ELF5: variants seen among roughly 807,000 people sequenced by gnomAD.
The protein encoded by ELF5 is E74 like ETS transcription factor 5, also known as ETS-related transcription factor Elf-5.
ELF5 carries 31 observed loss-of-function variants against 38.2 expected under a neutral mutation model. That is an observed-to-expected ratio of 0.81 (90% CI 0.61 to 1.10). The LOEUF (loss-of-function observed/expected upper bound fraction) is 1.10, where lower values mean the gene tolerates loss of function less well. Among genes scored for constraint, ELF5 ranks in the 50% least tolerant of loss-of-function variants. ELF5 has a pLI of 0.00. For missense variants in ELF5, 300 were observed against 306.6 expected, an observed-to-expected ratio of 0.98 and a Z score of 0.16; for synonymous variants, 121 against 112.5, an observed-to-expected ratio of 1.08 and a Z score of -0.48.
chr11:34,484,482 A>ACTATCCTATACTATACTATACTATC (rs769315692), intron 4 of ELF5, among the ~76,000 whole-genome samples: 1 of 21,200 alleles, frequency 4.7e-5, no homozygotes, highest in African/African-American at 1.0e-4. Flanking sequence ...CACTATACTA[A>ACTATCCTATACTATACTATACTATC]CTATACTATA....
chr11:34,512,891 T>C (rs372793824), intron 1 of ELF5, among the ~76,000 whole-genome samples: 4 of 152,300 alleles, frequency 2.6e-5, no homozygotes, highest in African/African-American at 9.6e-5. Flanking sequence ...CCCTAAGTCA[T>C]CTAGCCTTTC....
intron 4 of ELF5, among the ~76,000 whole-genome samples, chr11:34,486,129 C>T (rs964907097): frequency 6.6e-6 from 1 of 152,084 alleles, no homozygotes; most frequent in African/African-American, 2.4e-5. Flanking sequence ...TGCAGGGTTT[C>T]CGAAACAAGT....
intron 6 of ELF5, 124 bp downstream of exon 6, chr11:34,480,648 A>C: frequency 9.1e-7 from 1 of 1,104,352 alleles, no homozygotes; most frequent in East Asian, 2.5e-5. Flanking sequence ...TAAGAACCAA[A>C]GTTTTGTCTC....
intron 4 of ELF5, among the ~76,000 whole-genome samples, chr11:34,484,340 CATACTGTACT>C (rs1248484237): frequency 6.6e-6 from 1 of 151,460 alleles, no homozygotes; most frequent in Non-Finnish European, 1.5e-5. Flanking sequence ...TTCTACTGTA[CATACTGTACT>C]ATATGAACTA....
chr11:34,488,827 G>A (rs1398724523), intron 4 of ELF5, among the ~76,000 whole-genome samples: 1 of 152,236 alleles, frequency 6.6e-6, no homozygotes, highest in Non-Finnish European at 1.5e-5. Context: ...TGTGGCTCAA[G>A]CCTTTGGCCA....
At chr11:34,484,848 G>A (rs1301136907) in intron 4 of ELF5, among the ~76,000 whole-genome samples, 1 of 152,038 alleles carries the variant, frequency 6.6e-6, no homozygotes, top group African/African-American at 2.4e-5. Flanking sequence ...TTCTGCCTCA[G>A]GACCTTTGCA....
intron 2 of ELF5, among the ~76,000 whole-genome samples, chr11:34,498,816 G>A (rs1365780099): frequency 6.6e-6 from 1 of 152,094 alleles, no homozygotes; most frequent in Non-Finnish European, 1.5e-5. Context: ...TCCAGGTCGG[G>A]TGCAGTGGCT....
chr11:34,506,081 G>T (rs761286280), intron 1 of ELF5, among the ~76,000 whole-genome samples: 2 of 152,134 alleles, frequency 1.3e-5, no homozygotes, highest in Non-Finnish European at 2.9e-5. Context: ...TTTCCTGTTT[G>T]CTCACATCTG....
intron 3 of ELF5, among the ~76,000 whole-genome samples, chr11:34,490,503 C>A (rs1461926734): frequency 6.6e-6 from 1 of 152,210 alleles, no homozygotes; most frequent in African/African-American, 2.4e-5. Flanking sequence ...TAGTCTCTGA[C>A]ATGGCCTCTA....
intron 2 of ELF5, among the ~76,000 whole-genome samples, chr11:34,498,131 G>A (rs576949248): frequency 6.6e-6 from 1 of 152,218 alleles, no homozygotes; most frequent in East Asian, 1.9e-4. Context: ...ACACTTAGTG[G>A]TCCTGCCTCC....
chr11:34,493,779 G>C (rs1303908195), intron 2 of ELF5, 67 bp from the exon 3 acceptor site: 1 of 1,393,862 alleles, frequency 7.2e-7, no homozygotes, highest in Non-Finnish European at 1.0e-6. Flanking sequence ...GCCCCTGAAG[G>C]ATGCATCAGT....
At chr11:34,486,904 G>T (rs890332815) in intron 4 of ELF5, among the ~76,000 whole-genome samples, 2 of 152,190 alleles carry the variant, frequency 1.3e-5, no homozygotes, top group African/African-American at 4.8e-5. Context: ...GCCAGGTCTT[G>T]GTCTTTGGAT....
intron 3 of ELF5, chr11:34,492,283 A>C (rs1356945847): frequency 1.3e-5 from 2 of 152,288 alleles, no homozygotes; most frequent in Non-Finnish European, 2.9e-5. Context: ...CACCATTCTT[A>C]GCTTTTCTGC....
intron 1 of ELF5, among the ~76,000 whole-genome samples, chr11:34,512,526 G>A (rs924811399): frequency 6.6e-5 from 10 of 151,688 alleles, no homozygotes; most frequent in Non-Finnish European, 5.9e-5. Flanking sequence ...TATAGATGTG[G>A]TATATAAATA....
chr11:34,493,687 G>A lies in ELF5; in HGVS notation c.147C>T (p.Val49=), dbSNP rs557616681. Residue 49 remains valine, a synonymous_variant, in exon 3 of 7, where the codon GTC becomes GTT. Coordinates refer to ENST00000257832, the MANE Select transcript of ELF5 (RefSeq NM_001422.4). ...QTACDSYWTS[V]HPEYWTKRHV... ...GGCGCTTAGTCCAGTATTCAGGGTGGACTGATGTCCAGTATGAGTCACAGG... is the reference window on the plus strand; with the variant it reads ...GGCGCTTAGTCCAGTATTCAGGGTGAACTGATGTCCAGTATGAGTCACAGG... 6.2e-7 allele frequency: 1 copy of A among 1,614,156 alleles called. No individual in the cohort carries two copies. The highest frequency in any genetic ancestry group is 1.3e-5 in the African/African-American group (1 of 75,060).
At position 34,493,597 on chromosome 11, in the gene ELF5, G is replaced by A. The variant is rs1178288156; in HGVS notation, c.237C>T (p.Phe79=). ...GCAGGCCACTGATGTTGAAGTTGCA[G>A]AAGGAGATGCAATTGGTGTCCAACT... ...QYKLDTNCIS[F]CNFNISGLQL... Residue 79 remains phenylalanine (F), a synonymous_variant, in exon 3 of 7, where the codon TTC becomes TTT. Transcript: ENST00000257832. 6.2e-7 allele frequency: 1 copy of A among 1,614,228 alleles called. No homozygotes were observed. The highest frequency in any genetic ancestry group is 2.2e-5 in the East Asian group (1 of 44,894).
intron 2 of ELF5, among the ~76,000 whole-genome samples, chr11:34,494,840 A>G (rs944444452): frequency 6.6e-6 from 1 of 152,238 alleles, no homozygotes; most frequent in African/African-American, 2.4e-5. Flanking sequence ...TAATTACAGC[A>G]CCTGTATCAT....
chr11:34,511,698 C>T (rs1850762446), intron 1 of ELF5: 2 of 1,149,128 alleles, frequency 1.7e-6, no homozygotes, highest in Non-Finnish European at 2.5e-6. Context: ...CAGTGTCACA[C>T]AAATCAGAGG....
chr11:34,484,485 A>ATCC (rs1564974402), intron 4 of ELF5, among the ~76,000 whole-genome samples: 1,349 of 112,482 alleles, frequency 0.012, 11 homozygotes, highest in African/African-American at 0.031. Context: ...TATACTAACT[A>ATCC]TACTATACTA....
Sources: gnomAD v4.1 joint callset for allele counts (sites outside exome capture counted in the v4.1 genomes callset) on GRCh38, gnomAD v4.1.1 for gene constraint, MANE v1.5 for transcripts, NCBI Gene and HGNC (gene_info 2026-07-23, HGNC 2026-07-21) for gene names.